The following CTXND1 variants were observed in gnomAD, a reference collection of about 807,000 sequenced individuals.
CTXND1 encodes the protein cortexin domain-containing 1 protein.
At chr15:80,235,802 TG>T (rs1343737178) in intron 1 of CTXND1, among the ~76,000 whole-genome samples, 1 of 151,898 alleles carries the variant, frequency 6.6e-6, no homozygotes, top group Non-Finnish European at 1.5e-5. Flanking sequence ...CCTCACTGAC[TG>T]GGTAGCCTGA....
intron 1 of CTXND1, among the ~76,000 whole-genome samples, chr15:80,204,446 C>T (rs1383199851): frequency 6.6e-6 from 1 of 150,842 alleles, no homozygotes; most frequent in Non-Finnish European, 1.5e-5. Flanking sequence ...CCCCATTCCC[C>T]TTCCCCCAGC....
At chr15:80,240,509 TCC>T (rs908251038) in intron 1 of CTXND1, among the ~76,000 whole-genome samples, 1 of 146,422 alleles carries the variant, frequency 6.8e-6, no homozygotes, top group South Asian at 2.4e-4. Flanking sequence ...CTGCCAACAC[TCC>T]CCCCCCACCA....
intron 1 of CTXND1, among the ~76,000 whole-genome samples, chr15:80,227,320 G>A (rs1201188242): frequency 1.3e-5 from 2 of 152,126 alleles, no homozygotes; most frequent in Admixed American, 6.5e-5. Context: ...TAATATCACA[G>A]TCTTCCACAC....
intron 1 of CTXND1, among the ~76,000 whole-genome samples, chr15:80,235,720 C>A (rs1893487592): frequency 6.6e-6 from 1 of 151,954 alleles, no homozygotes; most frequent in African/African-American, 2.4e-5. Flanking sequence ...TCCCCTCTAC[C>A]CACCTGCCAC....
intron 1 of CTXND1, among the ~76,000 whole-genome samples, chr15:80,235,548 A>G (rs186684904): frequency 1.1e-4 from 17 of 152,294 alleles, no homozygotes; most frequent in Non-Finnish European, 2.9e-5. Context: ...ACTGTGGAAG[A>G]CTGCAGGGGA....
intron 1 of CTXND1, among the ~76,000 whole-genome samples, chr15:80,205,374 C>T (rs926438189): frequency 2.0e-5 from 3 of 152,108 alleles, no homozygotes; most frequent in Non-Finnish European, 2.9e-5. Flanking sequence ...GGTGAAACTG[C>T]TGTGTCTAAG....
chr15:80,218,677 TGA>T (rs991361792), intron 1 of CTXND1, among the ~76,000 whole-genome samples: 3 of 152,002 alleles, frequency 2.0e-5, no homozygotes, highest in East Asian at 3.8e-4. Flanking sequence ...GTACAAAATC[TGA>T]GAGAGTGTCT....
intron 1 of CTXND1, among the ~76,000 whole-genome samples, chr15:80,232,135 G>T (rs1207719181): frequency 6.6e-6 from 1 of 152,132 alleles, no homozygotes; most frequent in Non-Finnish European, 1.5e-5. Context: ...GACAAGCCTG[G>T]AATGCTGGCG....
intron 1 of CTXND1, among the ~76,000 whole-genome samples, chr15:80,215,232 AT>A (rs2142126978): frequency 6.6e-6 from 1 of 152,262 alleles, no homozygotes; most frequent in African/African-American, 2.4e-5. Flanking sequence ...AAACTCCTCC[AT>A]ATTGGGGGTA....
At chr15:80,237,336 G>GAAAAAAAAA (rs201997173) in intron 1 of CTXND1, among the ~76,000 whole-genome samples, 58 of 101,530 alleles carry the variant, frequency 5.7e-4, no homozygotes, top group East Asian at 1.3e-3. Context: ...CAGTGTCTCA[G>GAAAAAAAAA]AAAAAAAAAA....
At chr15:80,238,116 A>G (rs1450633631) in intron 1 of CTXND1, among the ~76,000 whole-genome samples, 1 of 152,146 alleles carries the variant, frequency 6.6e-6, no homozygotes, top group Non-Finnish European at 1.5e-5. Flanking sequence ...AAATAAACTT[A>G]GTGTGGCCTA....
chr15:80,229,781 A>G (rs771148934), intron 1 of CTXND1, among the ~76,000 whole-genome samples: 5 of 152,248 alleles, frequency 3.3e-5, no homozygotes, highest in African/African-American at 1.2e-4. Flanking sequence ...TGCTTTGGGC[A>G]GACTAGGGAG....
intron 1 of CTXND1, among the ~76,000 whole-genome samples, chr15:80,222,552 T>A (rs1035996801): frequency 6.6e-6 from 1 of 152,144 alleles, no homozygotes; most frequent in Non-Finnish European, 1.5e-5. Context: ...TTAAAATAGG[T>A]TTGTTTGAAT....
At chr15:80,204,303 A>C (rs570649780) in intron 1 of CTXND1, among the ~76,000 whole-genome samples, 3 of 151,114 alleles carry the variant, frequency 2.0e-5, no homozygotes, top group Non-Finnish European at 4.4e-5. Flanking sequence ...ACCATTTTAA[A>C]GTGTACAGTG....
intron 1 of CTXND1, among the ~76,000 whole-genome samples, chr15:80,230,973 G>A (rs981167107): frequency 1.5e-4 from 23 of 151,968 alleles, no homozygotes; most frequent in South Asian, 4.2e-4. Flanking sequence ...AAGGAGAATC[G>A]CTTGAAGCCT....
intron 1 of CTXND1, among the ~76,000 whole-genome samples, chr15:80,206,509 C>G (rs1265626718): frequency 6.6e-6 from 1 of 152,080 alleles, no homozygotes; most frequent in African/African-American, 2.4e-5. Context: ...AGTAAATATA[C>G]TCATTTTATT....
At chr15:80,243,977 G>A (rs1893600166) in intron 1 of CTXND1, among the ~76,000 whole-genome samples, 1 of 152,198 alleles carries the variant, frequency 6.6e-6, no homozygotes, top group Admixed American at 6.5e-5. Context: ...AAGGCAACAA[G>A]CAGTCAGGCT....
Position 80,208,231 on chromosome 15 carries a change from T to A in CTXND1, c.-217-4491A>T, listed in dbSNP as rs945817304. On this transcript the variant is annotated intron_variant, in intron 1 of 2. Coordinates refer to ENST00000560778, the MANE Select transcript of CTXND1 (RefSeq NM_001352888.2). ...ATGGTATATCTGTGTCATGGAATAC[T>A]CTTACTTCACTGGAAACACACGTGT... 3.3e-5 allele frequency among the ~76,000 whole-genome samples: 5 copies of A among 152,238 alleles called. 1 individual carries two copies. In the East Asian group the frequency reaches 5.8e-4, roughly 18 times the overall value.
At chr15:80,251,726 C>T (rs1192801374) in intron 1 of CTXND1, among the ~76,000 whole-genome samples, 1 of 151,498 alleles carries the variant, frequency 6.6e-6, no homozygotes, top group African/African-American at 2.4e-5. Context: ...CGACGCGGCT[C>T]CCGTGCGGCT....
Sources: allele counts gnomAD v4.1 joint callset (sites outside exome capture counted in the v4.1 genomes callset), GRCh38; gene constraint gnomAD v4.1.1; transcripts MANE v1.5; gene names NCBI Gene and HGNC (gene_info 2026-07-23, HGNC 2026-07-21).